The following ADARB2 variants were observed in gnomAD, a reference collection of about 807,000 sequenced individuals.
ADARB2 encodes the protein adenosine deaminase RNA specific B2 (inactive).
Under a neutral mutation model 62.2 loss-of-function variants are expected in ADARB2, and 25 were observed. The ratio of observed to expected loss-of-function variants is 0.40; its 90% CI spans 0.29 to 0.56. The LOEUF (loss-of-function observed/expected upper bound fraction) is 0.56. Among genes scored for constraint, ADARB2 ranks in the 20% least tolerant of loss-of-function variants. The pLI is 0.43. For missense variants in ADARB2, 1,071 were observed against 1,077.4 expected (o/e 0.99, Z 0.08); for synonymous variants, 572 against 500.8 (o/e 1.14, Z -1.90).
chr10:1,688,527 T>C (rs558909875), intron 1 of ADARB2, among the ~76,000 whole-genome samples: 101 of 152,116 alleles, frequency 6.6e-4, no homozygotes, highest in Non-Finnish European at 1.1e-3. Context: ...CCAATGGAAA[T>C]GGAAGGTACA....
intron 1 of ADARB2, among the ~76,000 whole-genome samples, chr10:1,485,586 C>T (rs1009411996): frequency 6.6e-6 from 1 of 152,180 alleles, no homozygotes; most frequent in South Asian, 2.1e-4. Flanking sequence ...TCCCAGGTCT[C>T]GTCAGCATAG....
intron 3 of ADARB2, among the ~76,000 whole-genome samples, chr10:1,293,573 A>G (rs1239079466): frequency 6.6e-6 from 1 of 152,200 alleles, no homozygotes; most frequent in African/African-American, 2.4e-5. Context: ...TGGACAAACT[A>G]TTATACCAGT....
intron 2 of ADARB2, among the ~76,000 whole-genome samples, chr10:1,370,776 C>A (rs1180328630): frequency 6.6e-6 from 1 of 152,178 alleles, no homozygotes; most frequent in Non-Finnish European, 1.5e-5. Flanking sequence ...ACAAGGAGAG[C>A]TACAAAACAC....
intron 7 of ADARB2, among the ~76,000 whole-genome samples, chr10:1,213,507 C>T (rs529977985): frequency 6.6e-6 from 1 of 152,062 alleles, no homozygotes; most frequent in Non-Finnish European, 1.5e-5. Context: ...GGGCACCCCC[C>T]TGTCCACTGC....
At chr10:1,223,154 A>C (rs1830710303) in intron 6 of ADARB2, among the ~76,000 whole-genome samples, 2 of 152,014 alleles carry the variant, frequency 1.3e-5, no homozygotes, top group African/African-American at 4.8e-5. Flanking sequence ...TTGGATTCCT[A>C]GGTATTTTAT....
chr10:1,558,371 G>C (rs1174636164), intron 1 of ADARB2, among the ~76,000 whole-genome samples: 5 of 112,706 alleles, frequency 4.4e-5, no homozygotes, highest in African/African-American at 7.4e-5. Flanking sequence ...CTCAGCCCCC[G>C]CATGCTCCAT....
At chr10:1,287,493 C>G (rs1425270839) in intron 3 of ADARB2, among the ~76,000 whole-genome samples, 1 of 152,182 alleles carries the variant, frequency 6.6e-6, no homozygotes, top group East Asian at 1.9e-4. Context: ...TCCCTCCTGT[C>G]TACCTGAAAC....
At position 1,472,141 on chromosome 10, in the gene ADARB2, G is replaced by T. The variant is rs186231457; in HGVS notation, c.101-92981C>A. Among the ~76,000 whole-genome samples, 83 of 152,292 alleles carry T rather than the reference G, an allele frequency of 5.5e-4. 1 individual carries two copies. The highest frequency in any genetic ancestry group is 2.0e-3 in the African/African-American group (83 of 41,560). ...AGGGACGTGGCACCCACACGAGAAG[G>T]GCTTGTCTTGCTGCTTCTTTACAGC... On this transcript the variant is annotated intron_variant, in intron 1 of 9. Coordinates refer to ENST00000381312, the MANE Select transcript of ADARB2 (RefSeq NM_018702.4).
At chr10:1,435,089 G>T (rs1384408865) in intron 1 of ADARB2, among the ~76,000 whole-genome samples, 1 of 152,232 alleles carries the variant, frequency 6.6e-6, no homozygotes, top group Non-Finnish European at 1.5e-5. Flanking sequence ...CCCCTGGGAG[G>T]CCGTGGAGCA....
intron 1 of ADARB2, among the ~76,000 whole-genome samples, chr10:1,515,847 T>C (rs949310607): frequency 6.6e-6 from 1 of 152,254 alleles, no homozygotes; most frequent in African/African-American, 2.4e-5. Flanking sequence ...TGAGCAGATT[T>C]TTCTGATTCT....
intron 3 of ADARB2, among the ~76,000 whole-genome samples, chr10:1,311,486 A>C (rs1026949555): frequency 7.2e-5 from 11 of 151,986 alleles, no homozygotes; most frequent in African/African-American, 2.7e-4. Flanking sequence ...AAAAAAAAAG[A>C]CACCTGACGT....
chr10:1,194,857 T>C (rs1054524529), intron 8 of ADARB2, among the ~76,000 whole-genome samples: 1 of 152,204 alleles, frequency 6.6e-6, no homozygotes, highest in Admixed American at 6.5e-5. Context: ...CCAACTGGAG[T>C]GTCTGTCCTG....
rs189089212 is a variant in ADARB2 at position 1,576,397 on chromosome 10, G to A, written c.100+160654C>T. 5.0e-3 allele frequency among the ~76,000 whole-genome samples: 765 copies of A among 152,062 alleles called. 9 individuals are homozygous for A. The highest frequency in any genetic ancestry group is 6.7e-3 in the Non-Finnish European group (456 of 67,934). ...CACAGGAGGGGGCTCAGAGTCACAG[G>A]AGGGGGCTCAGGATCACTGGAGGGG... On this transcript the variant is annotated intron_variant, in intron 1 of 9. Coordinates refer to ENST00000381312, the MANE Select transcript of ADARB2 (RefSeq NM_018702.4).
chr10:1,212,798 C>A (rs558969003), intron 7 of ADARB2, among the ~76,000 whole-genome samples: 1 of 152,024 alleles, frequency 6.6e-6, no homozygotes, highest in South Asian at 2.1e-4. Flanking sequence ...GTGGCAGGCA[C>A]CCTGCAGCTG....
At chr10:1,594,464 C>T (rs1000121150) in intron 1 of ADARB2, among the ~76,000 whole-genome samples, 6 of 152,124 alleles carry the variant, frequency 3.9e-5, no homozygotes, top group Non-Finnish European at 8.8e-5. Context: ...TCTCCAAGAG[C>T]AGGGCCTTTC....
intron 1 of ADARB2, among the ~76,000 whole-genome samples, chr10:1,529,091 C>T (rs961930258): frequency 7.1e-6 from 1 of 140,992 alleles, no homozygotes; most frequent in Middle Eastern, 3.6e-3. Context: ...TGCCCAACAC[C>T]AATCCTCCAA....
chr10:1,437,579 A>T (rs1409390486), intron 1 of ADARB2, among the ~76,000 whole-genome samples: 1 of 152,122 alleles, frequency 6.6e-6, no homozygotes, highest in African/African-American at 2.4e-5. Context: ...GCCCTAAGAG[A>T]GTTGAGTGAC....
At chr10:1,595,817 G>T (rs762437372) in intron 1 of ADARB2, among the ~76,000 whole-genome samples, 21 of 152,284 alleles carry the variant, frequency 1.4e-4, no homozygotes, top group Non-Finnish European at 2.5e-4. Flanking sequence ...GATCCACAGA[G>T]ATCAGAGCAG....
intron 1 of ADARB2, among the ~76,000 whole-genome samples, chr10:1,468,535 G>A (rs1397169611): frequency 1.3e-5 from 2 of 152,184 alleles, no homozygotes; most frequent in Admixed American, 6.5e-5. Flanking sequence ...TTCTGGCATC[G>A]GAATCCCCCA....
Sources: allele counts gnomAD v4.1 joint callset (sites outside exome capture counted in the v4.1 genomes callset), GRCh38; gene constraint gnomAD v4.1.1; transcripts MANE v1.5; gene names NCBI Gene and HGNC (gene_info 2026-07-23, HGNC 2026-07-21).